Variants in RBFOX1 observed in about 807,000 individuals in gnomAD.
RBFOX1 encodes the protein RNA binding protein fox-1 homolog 1.
RBFOX1 carries 8 observed loss-of-function variants against 57.7 expected under a neutral mutation model. That is an observed-to-expected ratio of 0.14 (90% CI 0.08 to 0.25). The LOEUF (loss-of-function observed/expected upper bound fraction) is 0.25, where lower values mean the gene tolerates loss of function less well. RBFOX1 is among the 10% of genes least tolerant of loss of function. The probability of loss-of-function intolerance (pLI) is 1.00; values close to 1 mark genes in which losing one functional copy is unlikely to be tolerated. For missense variants in RBFOX1, 611 were observed against 548.5 expected, an observed-to-expected ratio of 1.11 and a Z score of -1.14; for synonymous variants, 326 against 222.4, an observed-to-expected ratio of 1.47 and a Z score of -4.15.
intron 3 of RBFOX1, among the ~76,000 whole-genome samples, chr16:6,759,480 T>TG (rs2076291304): frequency 2.1e-5 from 1 of 46,894 alleles, no homozygotes; most frequent in Non-Finnish European, 6.1e-5. Flanking sequence ...TGTCTGTGTG[T>TG]GTGTGTGTGT....
intron 4 of RBFOX1, among the ~76,000 whole-genome samples, chr16:7,356,217 A>G (rs975656471): frequency 2.0e-5 from 3 of 152,198 alleles, no homozygotes; most frequent in Non-Finnish European, 4.4e-5. Flanking sequence ...ACAGCACTGA[A>G]TAGTGAGTCA....
At chr16:6,852,744 G>C (rs1461421261) in intron 3 of RBFOX1, among the ~76,000 whole-genome samples, 1 of 151,374 alleles carries the variant, frequency 6.6e-6, no homozygotes. Flanking sequence ...AGCTGTCTAG[G>C]TGAGATGCAT....
intron 10 of RBFOX1, among the ~76,000 whole-genome samples, chr16:7,626,138 C>A (rs1175052735): frequency 6.6e-6 from 1 of 152,230 alleles, no homozygotes; most frequent in Admixed American, 6.5e-5. Context: ...AAAGCCTCTG[C>A]AAAGGCATGG....
chr16:6,762,200 A>G (rs958372019), intron 3 of RBFOX1, among the ~76,000 whole-genome samples: 6 of 150,322 alleles, frequency 4.0e-5, no homozygotes, highest in Non-Finnish European at 8.9e-5. Flanking sequence ...TATAATTAGA[A>G]TTAGATAAAA....
chr16:7,400,989 A>G (rs1393524663), intron 4 of RBFOX1, among the ~76,000 whole-genome samples: 1 of 152,234 alleles, frequency 6.6e-6, no homozygotes, highest in Non-Finnish European at 1.5e-5. Flanking sequence ...GGAACCCCGC[A>G]TGAAACTCAG....
chr16:5,355,385 G>A (rs995152322), intron 1 of RBFOX1, among the ~76,000 whole-genome samples: 10 of 152,260 alleles, frequency 6.6e-5, no homozygotes, highest in Admixed American at 1.3e-4. Context: ...TGTATGTGCC[G>A]TCCCTCTGTC....
chr16:6,596,576 A>C (rs1223603982), intron 2 of RBFOX1, among the ~76,000 whole-genome samples: 1 of 143,196 alleles, frequency 7.0e-6, no homozygotes, highest in Non-Finnish European at 1.5e-5. Context: ...AGAGATGGGT[A>C]ATTCTTAATG....
chr16:7,258,309 C>G (rs576418541), intron 4 of RBFOX1, among the ~76,000 whole-genome samples: 2 of 152,096 alleles, frequency 1.3e-5, no homozygotes, highest in African/African-American at 2.4e-5. Context: ...GTATTTTATA[C>G]ATTAAAATGA....
At chr16:5,973,133 C>T (rs1259136087) in intron 4 of RBFOX1, among the ~76,000 whole-genome samples, 1 of 152,084 alleles carries the variant, frequency 6.6e-6, no homozygotes, top group Non-Finnish European at 1.5e-5. Context: ...TCTATTCTAC[C>T]TTATGATATT....
chr16:6,405,098 T>G (rs1289930426), intron 2 of RBFOX1, among the ~76,000 whole-genome samples: 2 of 152,178 alleles, frequency 1.3e-5, no homozygotes, highest in African/African-American at 2.4e-5. Flanking sequence ...ATTCTCATGC[T>G]TTAATAGAAA....
At position 6,960,906 on chromosome 16, in the gene RBFOX1, G is replaced by A. The variant is rs941201912; in HGVS notation, c.-15-91151G>A. On this transcript the variant is annotated intron_variant, in intron 3 of 15. Transcript: ENST00000550418. ...CCCAGCACTTTGGAAGGCCAAGGTG[G>A]GCGGATCACTTGAGGTCAGGAGACC... is the stretch of plus-strand genomic sequence containing the variant. 1.5e-4 allele frequency among the ~76,000 whole-genome samples: 23 copies of A among 151,198 alleles called. 1 individual carries two copies. The highest frequency in any genetic ancestry group is 1.3e-3 in the Admixed American group (20 of 15,116).
intron 3 of RBFOX1, among the ~76,000 whole-genome samples, chr16:5,678,432 G>A (rs1474723451): frequency 6.6e-6 from 1 of 152,176 alleles, no homozygotes; most frequent in African/African-American, 2.4e-5. Context: ...TCTTAAACAA[G>A]AACCCTAATC....
At chr16:5,963,639 C>G (rs1303552038) in intron 4 of RBFOX1, among the ~76,000 whole-genome samples, 1 of 152,156 alleles carries the variant, frequency 6.6e-6, no homozygotes, top group Admixed American at 6.5e-5. Flanking sequence ...ACAAGGGTGA[C>G]AAGAACCTGC....
chr16:6,129,759 C>T (rs1361556652), intron 1 of RBFOX1, among the ~76,000 whole-genome samples: 1 of 106,790 alleles, frequency 9.4e-6, no homozygotes, highest in African/African-American at 3.9e-5. Flanking sequence ...AAAAAAAAAA[C>T]CATAGATAAT....
At chr16:5,660,983 G>A (rs1323761522) in intron 3 of RBFOX1, among the ~76,000 whole-genome samples, 2 of 152,286 alleles carry the variant, frequency 1.3e-5, no homozygotes, top group Non-Finnish European at 1.5e-5. Context: ...TGAGGAGGTA[G>A]CGCCATGTTA....
At chr16:7,413,468 G>T (rs1446295845) in intron 4 of RBFOX1, among the ~76,000 whole-genome samples, 1 of 152,048 alleles carries the variant, frequency 6.6e-6, no homozygotes, top group Non-Finnish European at 1.5e-5. Flanking sequence ...TTTCTCACAA[G>T]ATCCAAGGTG....
Position 6,215,703 on chromosome 16 carries a change from T to C in RBFOX1, c.-126-101292T>C, listed in dbSNP as rs146544570. 8.7e-3 allele frequency among the ~76,000 whole-genome samples: 1,319 copies of C among 152,268 alleles called. 21 individuals carry two copies. Among genetic ancestry groups the C allele is most frequent in the African/African-American group, 0.03 (1,247 of 41,540 alleles). On this transcript the variant is annotated intron_variant, in intron 1 of 15. Coordinates refer to ENST00000550418, the MANE Select transcript of RBFOX1 (RefSeq NM_018723.4). ...TCCCTCCCTTATGGATTGTTTATCC[T>C]GGGTGATGATCTGTGGGCACATCTC...
At chr16:6,820,714 C>T (rs1382341275) in intron 3 of RBFOX1, among the ~76,000 whole-genome samples, 1 of 152,060 alleles carries the variant, frequency 6.6e-6, no homozygotes, top group Non-Finnish European at 1.5e-5. Context: ...AGTGCATTCT[C>T]ATTCTTAGAA....
At chr16:7,169,084 A>C (rs889449796) in intron 4 of RBFOX1, among the ~76,000 whole-genome samples, 1 of 152,230 alleles carries the variant, frequency 6.6e-6, no homozygotes, top group Non-Finnish European at 1.5e-5. Flanking sequence ...GGAAGTAGGC[A>C]AATCATTCAG....
Sources: gnomAD v4.1 joint callset for allele counts (sites outside exome capture counted in the v4.1 genomes callset) on GRCh38, gnomAD v4.1.1 for gene constraint, MANE v1.5 for transcripts, NCBI Gene and HGNC (gene_info 2026-07-23, HGNC 2026-07-21) for gene names.